The following PLXDC2 variants were observed in gnomAD, a reference collection of about 807,000 sequenced individuals.
PLXDC2 encodes plexin domain containing 2.
PLXDC2 carries 40 observed loss-of-function variants against 68.9 expected under a neutral mutation model. The observed-to-expected ratio is 0.58, with a 90% CI of 0.45 to 0.76. PLXDC2 has a LOEUF of 0.76. Among genes scored for constraint, PLXDC2 ranks in the 30% least tolerant of loss-of-function variants. The pLI, the probability that PLXDC2 is intolerant of heterozygous loss-of-function variation, is 0.00. For missense variants in PLXDC2, 644 were observed against 661.9 expected, an observed-to-expected ratio of 0.97 and a Z score of 0.30; for synonymous variants, 243 against 234.2, an observed-to-expected ratio of 1.04 and a Z score of -0.34.
chr10:20,120,397 T>G (rs908382424), intron 4 of PLXDC2, among the ~76,000 whole-genome samples: 8 of 152,182 alleles, frequency 5.3e-5, no homozygotes, highest in African/African-American at 1.9e-4. Flanking sequence ...TCCATTCTAC[T>G]TTTCCTGAAG....
chr10:19,984,426 T>G (rs1834602444), intron 1 of PLXDC2, among the ~76,000 whole-genome samples: 1 of 152,212 alleles, frequency 6.6e-6, no homozygotes, highest in Non-Finnish European at 1.5e-5. Flanking sequence ...GTGTTTTCCT[T>G]TCTTTATTCA....
chr10:20,021,434 G>C (rs1033165935), intron 2 of PLXDC2, among the ~76,000 whole-genome samples: 2 of 151,704 alleles, frequency 1.3e-5, no homozygotes, highest in African/African-American at 2.4e-5. Flanking sequence ...GACAGGCCCT[G>C]GTGTAATTTT....
chr10:19,939,805 C>G (rs756396439), intron 1 of PLXDC2, among the ~76,000 whole-genome samples: 1 of 149,602 alleles, frequency 6.7e-6, no homozygotes. Flanking sequence ...CTACTCCAGA[C>G]TTTTGTTGGA....
chr10:20,270,423 T>C (rs1299413554), intron 13 of PLXDC2, among the ~76,000 whole-genome samples: 1 of 152,208 alleles, frequency 6.6e-6, no homozygotes, highest in African/African-American at 2.4e-5. Flanking sequence ...GAACGTTTCC[T>C]ATATCAAATT....
chr10:19,976,741 T>G (rs1333778135), intron 1 of PLXDC2, among the ~76,000 whole-genome samples: 1 of 152,126 alleles, frequency 6.6e-6, no homozygotes, highest in African/African-American at 2.4e-5. Flanking sequence ...TATATTTTAC[T>G]TGTTCTCTCC....
At chr10:20,039,565 A>G (rs975620414) in intron 2 of PLXDC2, among the ~76,000 whole-genome samples, 1 of 152,212 alleles carries the variant, frequency 6.6e-6, no homozygotes, top group Non-Finnish European at 1.5e-5. Context: ...CAAAGTACTT[A>G]TGATAGAAAT....
intron 1 of PLXDC2, among the ~76,000 whole-genome samples, chr10:19,828,662 T>C (rs929114069): frequency 5.9e-5 from 9 of 152,238 alleles, no homozygotes; most frequent in African/African-American, 1.9e-4. Context: ...TGTCTGGACA[T>C]TGCAAAACAG....
intron 12 of PLXDC2, among the ~76,000 whole-genome samples, chr10:20,239,590 A>G (rs917681698): frequency 1.3e-5 from 2 of 152,138 alleles, no homozygotes; most frequent in Admixed American, 1.3e-4. Flanking sequence ...AACCACACCC[A>G]TGATCCAATC....
chr10:20,023,424 ATG>A (rs1835347208), intron 2 of PLXDC2, among the ~76,000 whole-genome samples: 1 of 152,132 alleles, frequency 6.6e-6, no homozygotes, highest in Non-Finnish European at 1.5e-5. Flanking sequence ...TAAGGCAGCA[ATG>A]TTGGGAGGTG....
intron 1 of PLXDC2, among the ~76,000 whole-genome samples, chr10:19,899,061 A>G (rs1036856232): frequency 6.6e-6 from 1 of 152,174 alleles, no homozygotes; most frequent in African/African-American, 2.4e-5. Flanking sequence ...CATTAACCAC[A>G]TGTAGAATTC....
intron 1 of PLXDC2, among the ~76,000 whole-genome samples, chr10:19,929,903 A>G (rs1833597507): frequency 6.6e-6 from 1 of 152,188 alleles, no homozygotes; most frequent in Admixed American, 6.5e-5. Flanking sequence ...AGTGCCTGTT[A>G]TTCTGAAAGC....
At chr10:19,872,675 T>C (rs1212800104) in intron 1 of PLXDC2, among the ~76,000 whole-genome samples, 2 of 151,746 alleles carry the variant, frequency 1.3e-5, no homozygotes, top group East Asian at 3.9e-4. Context: ...AGAAACCGGG[T>C]GGGGCTCAGG....
intron 6 of PLXDC2, among the ~76,000 whole-genome samples, chr10:20,150,142 A>G (rs925877609): frequency 6.6e-6 from 1 of 152,102 alleles, no homozygotes; most frequent in Non-Finnish European, 1.5e-5. Context: ...TTCCCTCTTG[A>G]TGCTGTACTT....
rs139930548 is a variant in PLXDC2 at position 20,052,986 on chromosome 10, T to A, written c.471+5971T>A. ...TCTTTACCATCACTGCATATAAATG[T>A]GGTCCAAACACTATTTTGGAATCTT... On this transcript the variant is annotated intron_variant, in intron 3 of 13. Coordinates refer to ENST00000377252, the MANE Select transcript of PLXDC2 (RefSeq NM_032812.9). Among the ~76,000 whole-genome samples, 329 of 152,210 alleles carry A rather than the reference T, an allele frequency of 2.2e-3. 1 individual carries two copies. Among genetic ancestry groups the A allele is most frequent in the African/African-American group, 7.7e-3 (321 of 41,546 alleles).
chr10:20,078,527 A>G (rs1836492140), intron 4 of PLXDC2, among the ~76,000 whole-genome samples: 1 of 152,230 alleles, frequency 6.6e-6, no homozygotes, highest in South Asian at 2.1e-4. Flanking sequence ...GTTAGCAGGG[A>G]AAGAATGTTA....
chr10:19,877,767 C>T (rs1837659804), intron 1 of PLXDC2, among the ~76,000 whole-genome samples: 2 of 152,334 alleles, frequency 1.3e-5, no homozygotes, highest in African/African-American at 4.8e-5. Flanking sequence ...AGCCACTATT[C>T]GGGGCCTTTT....
At chr10:19,872,749 C>G (rs1429326744) in intron 1 of PLXDC2, among the ~76,000 whole-genome samples, 2 of 152,030 alleles carry the variant, frequency 1.3e-5, no homozygotes, top group Non-Finnish European at 2.9e-5. Flanking sequence ...CCATGAGTTC[C>G]CTCCAGGCTG....
intron 3 of PLXDC2, among the ~76,000 whole-genome samples, chr10:20,054,297 C>T (rs974154566): frequency 6.6e-6 from 1 of 151,958 alleles, no homozygotes; most frequent in African/African-American, 2.4e-5. Flanking sequence ...GGTGGGGAGT[C>T]TCGCTAAACT....
intron 6 of PLXDC2, among the ~76,000 whole-genome samples, chr10:20,159,193 A>G (rs933521752): frequency 6.6e-6 from 1 of 152,086 alleles, no homozygotes; most frequent in African/African-American, 2.4e-5. Context: ...AGAGCTGCAT[A>G]TGTTGTTCCC....
Sources: gnomAD v4.1 joint callset for allele counts (sites outside exome capture counted in the v4.1 genomes callset) on GRCh38, gnomAD v4.1.1 for gene constraint, MANE v1.5 for transcripts, NCBI Gene and HGNC (gene_info 2026-07-23, HGNC 2026-07-21) for gene names.